TAF7: variants seen among roughly 807,000 people sequenced by gnomAD.
TAF7 encodes TATA-box binding protein associated factor 7.
In TAF7, 9 loss-of-function variants were observed where a neutral mutation model predicts 25.3. The ratio of observed to expected loss-of-function variants is 0.36; its 90% confidence interval spans 0.21 to 0.62. The LOEUF is 0.62. TAF7 is among the 20% of genes least tolerant of loss of function. The pLI is 0.72. For missense variants in TAF7, 311 were observed against 410.6 expected (o/e 0.76, Z 2.10); for synonymous variants, 127 against 146.7 (o/e 0.87, Z 0.97).
At position 141,319,782 on chromosome 5, in the gene TAF7, G is replaced by A; in HGVS notation, c.263C>T (p.Thr88Ile). 1 of 1,614,090 alleles carries A rather than the reference G, an allele frequency of 6.2e-7. No homozygotes were observed. The highest frequency in any genetic ancestry group is 8.5e-7 in the Non-Finnish European group (1 of 1,180,038). The change falls in exon 1 of 1, where the codon ACA (threonine) becomes ATA (isoleucine). Residue 88 changes from threonine to isoleucine, a missense_variant. This residue lies in a region of TAF7 where 119 missense variants were observed against 159.3 expected (regional missense o/e 0.75). Transcript: ENST00000313368. This position sits in a 1 kb window ranked among gnomAD's most constrained non-coding sequence, Gnocchi z 5.3. ...KTIDKKTFYK[T>I]ADICQMLVST... ...TACAAGCATCTGACAGATATCAGCT[G>A]TCTTGTAAAAAGTTTTTTTATCAAT...
chr5:141,320,287 A>G lies in TAF7; in HGVS notation c.-243T>C. The G allele has an allele frequency of 2.1e-6, 1 of 481,176 alleles. No homozygotes were observed. The highest frequency in any genetic ancestry group is 2.8e-5 in the South Asian group (1 of 35,354). 29.8% of individuals were successfully genotyped at this position (481,176 alleles called of 1,614,324 possible). A position where few individuals can be genotyped will look rare whatever the true frequency, so the allele number is the denominator to read the frequency against. On this transcript the variant is annotated 5_prime_UTR_variant, in exon 1 of 1. Transcript: ENST00000313368. ...ACACAAAGGCTTATTCACAGACTTA[A>G]GTTCATTAAATCAGATGCAATGCCA...
At position 141,318,915 on chromosome 5, in the gene TAF7, G is replaced by A. The variant is rs1480886676; in HGVS notation, c.*80C>T. 24 of 1,200,874 alleles carry A rather than the reference G, an allele frequency of 2.0e-5. No individual in the cohort carries two copies. Among genetic ancestry groups the A allele is most frequent in the South Asian group, 9.6e-5 (6 of 62,674 alleles). 74.4% of individuals were successfully genotyped at this position (1,200,874 alleles called of 1,614,324 possible). ...CATTAAAAGGACTAGGAAGAGCAAGGTCTTAATACCCAGTACAATAAAGCC... is the reference window on the plus strand; with the variant it reads ...CATTAAAAGGACTAGGAAGAGCAAGATCTTAATACCCAGTACAATAAAGCC... On this transcript the variant is annotated 3_prime_UTR_variant, in exon 1 of 1. Coordinates refer to ENST00000313368, the MANE Select transcript of TAF7 (RefSeq NM_005642.3).
At position 141,318,932 on chromosome 5, in the gene TAF7, A is replaced by G; in HGVS notation, c.*63T>C. Reference sequence around the variant, plus strand: ...AGAGCAAGGTCTTAATACCCAGTACAATAAAGCCAAGAATTTTCTAATGCT... The same window carrying G: ...AGAGCAAGGTCTTAATACCCAGTACGATAAAGCCAAGAATTTTCTAATGCT... On this transcript the variant is annotated 3_prime_UTR_variant, in exon 1 of 1. Transcript: ENST00000313368. 1.4e-6 allele frequency: 2 copies of G among 1,421,998 alleles called. No individual in the cohort carries two copies. Among genetic ancestry groups the G allele is most frequent in the South Asian group, 2.9e-5 (2 of 69,104 alleles). The allele number at this position is 1,421,998 out of a possible 1,614,324, so 88.1% of individuals were successfully genotyped here. A position where few individuals can be genotyped will look rare whatever the true frequency, so the allele number is the denominator to read the frequency against.
At position 141,320,253 on chromosome 5, in the gene TAF7, C is replaced by CGGTA. The variant is rs1396377205; in HGVS notation, c.-210_-209insTACC. The stretch of plus-strand genomic sequence containing the variant: ...CTCTAAATATGCTGTGACCGAATAC[C>CGGTA]AGTCGTTAACACAAAGGCTTATTCA... On this transcript the variant is annotated 5_prime_UTR_variant, in exon 1 of 1. Coordinates refer to ENST00000313368, the MANE Select transcript of TAF7 (RefSeq NM_005642.3). 8 of 582,372 alleles carry CGGTA rather than the reference C, an allele frequency of 1.4e-5. No individual in the cohort carries two copies. Among genetic ancestry groups the CGGTA allele is most frequent in the African/African-American group, 1.3e-4 (7 of 52,784 alleles). 36.1% of individuals were successfully genotyped at this position (582,372 alleles called of 1,614,324 possible).
In TAF7 at chr5:141,318,734, G is replaced by A. The variant is rs888403636; in HGVS notation, c.*261C>T. ...GTCCTGCAATGAAGCTATAATTAAG[G>A]TTGAACCATACATTCCGCTAATCCT... On this transcript the variant is annotated 3_prime_UTR_variant, in exon 1 of 1. Transcript: ENST00000313368. The A allele has an allele frequency of 6.1e-6, 2 of 328,596 alleles. No individual in the cohort carries two copies. The highest frequency in any genetic ancestry group is 1.1e-5 in the Non-Finnish European group (2 of 180,930). The allele number at this position is 328,596 out of a possible 1,614,324, so 20.4% of individuals were successfully genotyped here. A position where few individuals can be genotyped will look rare whatever the true frequency, so the allele number is the denominator to read the frequency against.
In TAF7 at chr5:141,319,569, G is replaced by A; in HGVS notation, c.476C>T (p.Ser159Phe). The A allele has an allele frequency of 6.2e-7, 1 of 1,614,028 alleles. No homozygotes were observed. The highest frequency in any genetic ancestry group is 8.5e-7 in the Non-Finnish European group (1 of 1,180,016). Residue 159 changes from serine (S) to phenylalanine (F), a missense_variant, in exon 1 of 1, where the codon TCT becomes TTT. Coordinates refer to ENST00000313368, the MANE Select transcript of TAF7 (RefSeq NM_005642.3). This position sits in a 1 kb window ranked among gnomAD's most constrained non-coding sequence, Gnocchi z 5.3. Reference sequence around the variant, plus strand: ...TTTCACTTCTTTTTCAACATCTGGAGATTCAATATATTTCTTCTTTGCTGT... The same window carrying A: ...TTTCACTTCTTTTTCAACATCTGGAAATTCAATATATTTCTTCTTTGCTGT... ...RKTAKKKYIESPDVEKEVKRL... is the reference protein window; with the variant it reads ...RKTAKKKYIEFPDVEKEVKRL...
chr5:141,320,154 TA>T lies in TAF7; in HGVS notation c.-111del. ...TTGCTATGAATTGAAATCTTTTAAT[TA>T]CAAGAAGTTCTCTGTAGATCAGCAG... On this transcript the variant is annotated 5_prime_UTR_variant, in exon 1 of 1. Transcript: ENST00000313368. 1.0e-6 allele frequency: 1 copy of T among 963,614 alleles called. No individual in the cohort carries two copies. The highest frequency in any genetic ancestry group is 1.5e-6 in the Non-Finnish European group (1 of 652,626). 59.7% of individuals were successfully genotyped at this position (963,614 alleles called of 1,614,324 possible).
chr5:141,319,409 G>T lies in TAF7; in HGVS notation c.636C>A (p.Asp212Glu). 1.2e-6 allele frequency: 2 copies of T among 1,614,110 alleles called. No individual in the cohort carries two copies. The highest frequency in any genetic ancestry group is 1.7e-6 in the Non-Finnish European group (2 of 1,180,032). ...CCCGAAGCTCATCATGTTCTAATGAGTCATGGCCCTGCCTGTGACCAGACA... is the reference window on the plus strand; with the variant it reads ...CCCGAAGCTCATCATGTTCTAATGATTCATGGCCCTGCCTGTGACCAGACA... ...PGMSGHRQGH[D>E]SLEHDELREI... is the part of the protein sequence containing the mutation. Residue 212 changes from aspartate to glutamate, a missense_variant, in exon 1 of 1, where the codon GAC becomes GAA. Transcript: ENST00000313368. This position sits in a 1 kb window ranked among gnomAD's most constrained non-coding sequence, Gnocchi z 5.3.
chr5:141,319,864 C>T lies in TAF7; in HGVS notation c.181G>A (p.Val61Ile). 1.2e-6 allele frequency: 2 copies of T among 1,614,140 alleles called. No individual in the cohort carries two copies. Among genetic ancestry groups the T allele is most frequent in the Non-Finnish European group, 1.7e-6 (2 of 1,180,024 alleles). The part of the protein sequence containing the change: ...GRHGIVRVDR[V>I]PLASKLVDLP... ...TCTACTAATTTTGAGGCCAATGGAA[C>T]ACGGTCCACTCTGACGATTCCATGA... Residue 61 changes from valine (V) to isoleucine (I), a missense_variant, in exon 1 of 1, where the codon GTT becomes ATT. Physicochemically the swap from Val to Ile is conservative, Grantham distance 29. Transcript: ENST00000313368. The surrounding 1 kb of genome is among the most constrained non-coding windows in gnomAD (Gnocchi z 5.3).
rs991731504 is a variant in TAF7, at chr5:141,320,206, T to C, written c.-162A>G. Reference sequence around the variant, plus strand: ...CTAAGCGTCTATTTTGCCTTAGTTTTTATTTAAGCTCCAAGTCTTTTCTCT... The same window carrying C: ...CTAAGCGTCTATTTTGCCTTAGTTTCTATTTAAGCTCCAAGTCTTTTCTCT... On this transcript the variant is annotated 5_prime_UTR_variant, in exon 1 of 1. Transcript: ENST00000313368. 1.5e-6 allele frequency: 1 copy of C among 656,410 alleles called. No individual in the cohort carries two copies. The highest frequency in any genetic ancestry group is 1.8e-5 in the African/African-American group (1 of 54,572). 40.7% of individuals were successfully genotyped at this position (656,410 alleles called of 1,614,324 possible). A position where few individuals can be genotyped will look rare whatever the true frequency, so the allele number is the denominator to read the frequency against.
rs147625141 is a variant in TAF7, at chr5:141,318,636, T to C, written c.*359A>G. ...CAAACTAGCATCATTGTCTCTAGAC[T>C]AGGTTCTTCTTATTGATCTCACGTC... On this transcript the variant is annotated 3_prime_UTR_variant, in exon 1 of 1. Coordinates refer to ENST00000313368, the MANE Select transcript of TAF7 (RefSeq NM_005642.3). The C allele has an allele frequency of 5.8e-6, 1 of 173,100 alleles. No individual in the cohort carries two copies. Among genetic ancestry groups the C allele is most frequent in the Admixed American group, 6.1e-5 (1 of 16,342 alleles). 10.7% of individuals were successfully genotyped at this position (173,100 alleles called of 1,614,324 possible).
Position 141,319,657 on chromosome 5 carries a change from A to C in TAF7, c.388T>G (p.Phe130Val), listed in dbSNP as rs770915401. Residue 130 changes from phenylalanine (F) to valine (V), a missense_variant, in exon 1 of 1, where the codon TTT becomes GTT. Physicochemically the swap from Phe to Val is conservative, Grantham distance 50. Around this residue, in one of 3 missense-constraint regions of TAF7, gnomAD observed 119 missense variants for 159.3 expected, o/e 0.75. Transcript: ENST00000313368. This position sits in a 1 kb window ranked among gnomAD's most constrained non-coding sequence, Gnocchi z 5.3. Reference protein sequence around the residue: ...KKKDKDKEKKFIWNHGITLPL... With the variant: ...KKKDKDKEKKVIWNHGITLPL... ...AGAGTAATTCCGTGGTTCCAGATAA[A>C]CTTTTTCTCTTTGTCCTTATCCTTT... 19 of 1,613,904 alleles carry C rather than the reference A, an allele frequency of 1.2e-5. No homozygotes were observed. The highest frequency in any genetic ancestry group is 1.6e-5 in the Non-Finnish European group (19 of 1,180,030).
Position 141,319,163 on chromosome 5 carries a change from C to A in TAF7, c.882G>T (p.Glu294Asp). Residue 294 changes from glutamate (E) to aspartate (D), a missense_variant, in exon 1 of 1, where the codon GAG becomes GAT. Physicochemically the swap from Glu to Asp is conservative, Grantham distance 45. This residue lies in a region of TAF7 where 179 missense variants were observed against 206.7 expected (regional missense o/e 0.87). Transcript: ENST00000313368. The surrounding 1 kb of genome is among the most constrained non-coding windows in gnomAD (Gnocchi z 5.3). ...QIDNMKGKLQ[E>D]TQDRAKRQED... ...CTTGTCGTTTTGCCCTGTCCTGGGT[C>A]TCTTGGAGCTTGCCTTTCATGTTGT... 1 of 1,614,106 alleles carries A rather than the reference C, an allele frequency of 6.2e-7. No homozygotes were observed. The highest frequency in any genetic ancestry group is 8.5e-7 in the Non-Finnish European group (1 of 1,180,028).
rs756001505 is a variant in TAF7, at chr5:141,319,001, C to G, written c.1044G>C (p.Glu348Asp). 3.0e-5 allele frequency: 48 copies of G among 1,599,106 alleles called. No individual in the cohort carries two copies. Among genetic ancestry groups the G allele is most frequent in the Middle Eastern group, 1.7e-4 (1 of 6,008 alleles). ...SLQEELESLL[E>D]K ...AATTAAATATCAGTTCTTTTTACTT[C>G]TCTAGGAGTGATTCTAGCTCCTCTT... is the stretch of plus-strand genomic sequence containing the variant. Residue 348 changes from glutamate (E) to aspartate (D), a missense_variant, in exon 1 of 1, where the codon GAG becomes GAC. By Grantham distance (45) the Glu-to-Asp change is conservative (BLOSUM62 2). This residue lies in a region of TAF7 where 179 missense variants were observed against 206.7 expected (regional missense o/e 0.87). Transcript: ENST00000313368. This position sits in a 1 kb window ranked among gnomAD's most constrained non-coding sequence, Gnocchi z 5.3.
rs746025911 is a variant in TAF7, at chr5:141,319,035, C to G, written c.1010G>C (p.Ser337Thr). The G allele has an allele frequency of 1.9e-6, 3 of 1,613,080 alleles. No homozygotes were observed. In the African/African-American group the frequency reaches 4.0e-5, roughly 22 times the overall value. The stretch of plus-strand genomic sequence containing the variant: ...TGATTCTAGCTCCTCTTGCAAAGAG[C>G]TGAGTTGCTCCTTTTCTCGGTCTTC... ...QKEDREKEQL[S>T]SLQEELESLL... Residue 337 changes from serine (S) to threonine (T), a missense_variant, in exon 1 of 1, where the codon AGC becomes ACC. This residue lies in a region of TAF7 where 179 missense variants were observed against 206.7 expected (regional missense o/e 0.87). Coordinates refer to ENST00000313368, the MANE Select transcript of TAF7 (RefSeq NM_005642.3). This position sits in a 1 kb window ranked among gnomAD's most constrained non-coding sequence, Gnocchi z 5.3.
chr5:141,319,788 TA>T lies in TAF7; in HGVS notation c.256del (p.Tyr86ThrfsTer55). 6.2e-7 allele frequency: 1 copy of T among 1,614,140 alleles called. No homozygotes were observed. The highest frequency in any genetic ancestry group is 8.5e-7 in the Non-Finnish European group (1 of 1,180,038). On this transcript the variant is annotated frameshift_variant, in exon 1 of 1. Transcript: ENST00000313368. LOFTEE classifies it high-confidence loss of function. This position sits in a 1 kb window ranked among gnomAD's most constrained non-coding sequence, Gnocchi z 5.3. ...SLKTIDKKTF[Y>X]KTADICQMLV... The stretch of plus-strand genomic sequence containing the variant: ...CATCTGACAGATATCAGCTGTCTTG[TA>T]AAAAGTTTTTTTATCAATGGTTTTC...
At position 141,320,745 on chromosome 5, in the gene TAF7, G is replaced by A. The variant is rs1346265136; in HGVS notation, c.-701C>T. On this transcript the variant is annotated 5_prime_UTR_variant, in exon 1 of 1. Transcript: ENST00000313368. ...GCATCACCAGACCCCGCACCTCGCC[G>A]GCCCTCCGTCCGGGTCGCCTACCCA... The A allele has an allele frequency of 4.2e-5, 7 of 167,184 alleles. No individual in the cohort carries two copies. Among genetic ancestry groups the A allele is most frequent in the Admixed American group, 2.0e-4 (3 of 15,292 alleles). The allele number at this position is 167,184 out of a possible 1,614,324, so 10.4% of individuals were successfully genotyped here.
chr5:141,320,116 T>G lies in TAF7; in HGVS notation c.-72A>C. ...AAAAAGTTCCAGCTACTGCAATAGT[T>G]TAAAACACCAGTTTGCTATGAATTG... On this transcript the variant is annotated 5_prime_UTR_variant, in exon 1 of 1. Transcript: ENST00000313368. 1 of 1,285,190 alleles carries G rather than the reference T, an allele frequency of 7.8e-7. No individual in the cohort carries two copies. Among genetic ancestry groups the G allele is most frequent in the Non-Finnish European group, 1.1e-6 (1 of 926,676 alleles). 79.6% of individuals were successfully genotyped at this position (1,285,190 alleles called of 1,614,324 possible). A position where few individuals can be genotyped will look rare whatever the true frequency, so the allele number is the denominator to read the frequency against.
At position 141,319,490 on chromosome 5, in the gene TAF7, G is replaced by C. The variant is rs2230133; in HGVS notation, c.555C>G (p.Ala185=). The C allele has an allele frequency of 0.041, 65,601 of 1,613,630 alleles. 1,634 individuals carry two copies. Among genetic ancestry groups the C allele is most frequent in the African/African-American group, 0.091 (6,815 of 74,826 alleles). The part of the protein sequence containing the change: ...EAVSTRWEII[A]EDETKEAENQ... ...TTTCTGCCTCCTTTGTTTCATCTTC[G>C]GCAATTATTTCCCACCGAGTACTAA... Residue 185 remains alanine (A), a synonymous_variant, in exon 1 of 1, where the codon GCC becomes GCG. Transcript: ENST00000313368. This position sits in a 1 kb window ranked among gnomAD's most constrained non-coding sequence, Gnocchi z 5.3.
Sources: allele counts gnomAD v4.1 joint callset, GRCh38; gene constraint gnomAD v4.1.1; regional missense constraint gnomAD v4.1.1; non-coding constraint Gnocchi (gnomAD v3.1); transcripts MANE v1.5; gene names NCBI Gene and HGNC (gene_info 2026-07-23, HGNC 2026-07-21).